DDC: variants seen among roughly 807,000 people sequenced by gnomAD.
DDC encodes aromatic-L-amino-acid decarboxylase.
A neutral mutation model predicts 60.0 loss-of-function variants in DDC; 43 were observed. That is an observed-to-expected ratio of 0.72 (90% CI 0.56 to 0.92). The LOEUF is 0.92. DDC is among the 40% of genes least tolerant of loss of function. The pLI, the probability that DDC is intolerant of heterozygous loss-of-function variation, is 0.00. For missense variants in DDC, 573 were observed against 620.2 expected, an observed-to-expected ratio of 0.92 and a Z score of 0.81; for synonymous variants, 232 against 234.6, an observed-to-expected ratio of 0.99 and a Z score of 0.10.
At chr7:50,467,921 CT>C (rs1174666464) in intron 12 of DDC, among the ~76,000 whole-genome samples, 1 of 152,248 alleles carries the variant, frequency 6.6e-6, no homozygotes, top group African/African-American at 2.4e-5. Context: ...CCTGTCCGCT[CT>C]GTCACATTCA....
At chr7:50,556,801 G>A (rs1282532101) in intron 1 of DDC, among the ~76,000 whole-genome samples, 1 of 152,158 alleles carries the variant, frequency 6.6e-6, no homozygotes, top group Non-Finnish European at 1.5e-5. Flanking sequence ...ACAATCAAGT[G>A]GAGCTAAGCT....
At chr7:50,459,128 C>T (rs1462488470) in intron 14 of DDC, among the ~76,000 whole-genome samples, 5 of 152,246 alleles carry the variant, frequency 3.3e-5, no homozygotes, top group Admixed American at 6.5e-5. Context: ...GACTGGTTTT[C>T]GTATTTTTTT....
intron 1 of DDC, among the ~76,000 whole-genome samples, chr7:50,561,481 G>A (rs754986766): frequency 5.9e-5 from 9 of 152,162 alleles, no homozygotes; most frequent in Non-Finnish European, 8.8e-5. Context: ...ATACCCGGGA[G>A]GCTCAGGGTC....
chr7:50,504,241 T>C (rs898352789), intron 6 of DDC, among the ~76,000 whole-genome samples, 182 bp from the exon 7 acceptor site: 1 of 152,200 alleles, frequency 6.6e-6, no homozygotes, highest in Non-Finnish European at 1.5e-5. Flanking sequence ...GAAAGCATCA[T>C]AACAGGTTAA....
Position 50,532,568 on chromosome 7 carries a change from T to A in DDC, c.436-3226A>T, listed in dbSNP as rs563177512. 1.2e-4 allele frequency among the ~76,000 whole-genome samples: 18 copies of A among 152,310 alleles called. No homozygotes were observed. In the South Asian group the frequency reaches 3.7e-3, roughly 32 times the overall value. On this transcript the variant is annotated intron_variant, in intron 4 of 14. Coordinates refer to ENST00000444124, the MANE Select transcript of DDC (RefSeq NM_001082971.2). ...TCTACTAACTTTCTGGGACTCAATA[T>A]CCTCATCCATGAAAAAGATTGTCCA... is the stretch of plus-strand genomic sequence containing the variant.
chr7:50,481,551 T>G (rs1293850615), intron 9 of DDC, among the ~76,000 whole-genome samples: 2 of 152,150 alleles, frequency 1.3e-5, no homozygotes, highest in Admixed American at 1.3e-4. Context: ...ATTTAAAAAA[T>G]TTTGCACTAA....
At chr7:50,483,903 C>CAAA (rs34971815) in intron 9 of DDC, among the ~76,000 whole-genome samples, 8 of 139,370 alleles carry the variant, frequency 5.7e-5, no homozygotes, top group Non-Finnish European at 7.7e-5. Context: ...GATTCCATCT[C>CAAA]AAAAAAAAAA....
intron 1 of DDC, among the ~76,000 whole-genome samples, chr7:50,547,206 T>G (rs1436969202): frequency 6.9e-6 from 1 of 144,748 alleles, no homozygotes; most frequent in Non-Finnish European, 1.5e-5. Context: ...ACTTTTCTTT[T>G]TCTTTTTTTT....
chr7:50,465,742 G>A (rs998435399), intron 13 of DDC, among the ~76,000 whole-genome samples: 1 of 152,354 alleles, frequency 6.6e-6, no homozygotes, highest in East Asian at 1.9e-4. Context: ...GAATATAAAA[G>A]TCCTAGAAGA....
intron 7 of DDC, among the ~76,000 whole-genome samples, chr7:50,500,310 C>G (rs1477912958): frequency 6.6e-6 from 1 of 152,190 alleles, no homozygotes; most frequent in Non-Finnish European, 1.5e-5. Context: ...CAGTTCCAAT[C>G]AGGAGGGCTC....
intron 9 of DDC, among the ~76,000 whole-genome samples, chr7:50,490,455 G>A (rs1554419061): frequency 6.6e-6 from 1 of 152,194 alleles, no homozygotes; most frequent in Non-Finnish European, 1.5e-5. Context: ...TGGATCATGA[G>A]GTCAGGAGAT....
intron 6 of DDC, among the ~76,000 whole-genome samples, chr7:50,527,121 A>G (rs1478436652): frequency 3.9e-5 from 6 of 152,172 alleles, no homozygotes; most frequent in Non-Finnish European, 8.8e-5. Flanking sequence ...TATATATGAA[A>G]CTGACTTCAT....
chr7:50,555,685 C>A (rs770282257), intron 1 of DDC, among the ~76,000 whole-genome samples: 1 of 152,160 alleles, frequency 6.6e-6, no homozygotes, highest in Non-Finnish European at 1.5e-5. Flanking sequence ...CCAAGAACCA[C>A]GTTAAGCTCT....
At chr7:50,491,673 C>T (rs544053423) in intron 9 of DDC, among the ~76,000 whole-genome samples, 2 of 152,314 alleles carry the variant, frequency 1.3e-5, no homozygotes, top group East Asian at 3.9e-4. Context: ...TTAAATATCT[C>T]TACAGGTAGC....
At chr7:50,496,173 T>G (rs1225621332) in intron 8 of DDC, among the ~76,000 whole-genome samples, 1 of 151,896 alleles carries the variant, frequency 6.6e-6, no homozygotes, top group Non-Finnish European at 1.5e-5. Context: ...AGCCTCAACC[T>G]CCCAAGCTCA....
intron 11 of DDC, among the ~76,000 whole-genome samples, chr7:50,475,506 C>T (rs1288739199): frequency 6.6e-6 from 1 of 152,080 alleles, no homozygotes; most frequent in East Asian, 1.9e-4. Flanking sequence ...CCCCTGCCTC[C>T]TGGCTCACAG....
At position 50,544,197 on chromosome 7, in the gene DDC, A is replaced by T; in HGVS notation, c.-28-84T>A. On this transcript the variant is annotated intron_variant, in intron 1 of 14. Transcript: ENST00000444124. ...GATACCAAGCAAGCCGTGGGTAGGG[A>T]CACCTGGGCAGTGACTGCATGCCCT... 5 of 1,039,246 alleles carry T rather than the reference A, an allele frequency of 4.8e-6. No homozygotes were observed. The South Asian group carries it at 6.4e-5, about 13-fold the overall frequency. The allele number at this position is 1,039,246 out of a possible 1,614,324, so 64.4% of individuals were successfully genotyped here.
At chr7:50,515,442 C>T (rs1320306024) in intron 6 of DDC, among the ~76,000 whole-genome samples, 2 of 152,170 alleles carry the variant, frequency 1.3e-5, no homozygotes, top group African/African-American at 4.8e-5. Flanking sequence ...GGAAACACAT[C>T]AAAATAGAAC....
intron 6 of DDC, among the ~76,000 whole-genome samples, chr7:50,516,368 C>T (rs1271054282): frequency 6.6e-6 from 1 of 152,078 alleles, no homozygotes; most frequent in Non-Finnish European, 1.5e-5. Flanking sequence ...TTTAAAAATT[C>T]TTCAAACAGA....
Sources: allele counts gnomAD v4.1 joint callset (sites outside exome capture counted in the v4.1 genomes callset), GRCh38; gene constraint gnomAD v4.1.1; transcripts MANE v1.5; gene names NCBI Gene and HGNC (gene_info 2026-07-23, HGNC 2026-07-21).